Variants in COL14A1 observed in about 807,000 individuals in gnomAD.
COL14A1 encodes the protein collagen alpha-1(XIV) chain.
COL14A1 carries 136 observed loss-of-function variants against 230.3 expected under a neutral mutation model. The observed-to-expected ratio is 0.59, with a 90% CI of 0.51 to 0.68. The LOEUF (loss-of-function observed/expected upper bound fraction) is 0.68, where lower values mean the gene tolerates loss of function less well. Ranked by LOEUF, COL14A1 falls within the 30% of genes least tolerant of loss-of-function variation. The pLI is 0.00. For missense variants in COL14A1, 1,976 were observed against 2,215.8 expected (o/e 0.89, Z 2.17); for synonymous variants, 792 against 784.1 (o/e 1.01, Z -0.17).
intron 44 of COL14A1, 55 bp from the exon 45 acceptor site, chr8:120,345,320 T>C (rs1259966365): frequency 4.0e-6 from 6 of 1,487,692 alleles, no homozygotes; most frequent in Non-Finnish European, 4.5e-6. Flanking sequence ...CCCCTGGTCC[T>C]CTCTTTCCTT....
chr8:120,215,618 G>A (rs1230119303), intron 13 of COL14A1, among the ~76,000 whole-genome samples: 1 of 152,134 alleles, frequency 6.6e-6, no homozygotes, highest in Non-Finnish European at 1.5e-5. Context: ...GAAGTTGGGA[G>A]ATTGGCTGGG....
At chr8:120,295,432 C>A (rs1391394680) in intron 34 of COL14A1, among the ~76,000 whole-genome samples, 1 of 151,782 alleles carries the variant, frequency 6.6e-6, no homozygotes, top group Non-Finnish European at 1.5e-5. Flanking sequence ...GATCATACCC[C>A]ATAGCGGCAA....
chr8:120,294,360 G>T (rs1820459709), intron 34 of COL14A1, among the ~76,000 whole-genome samples: 3 of 151,090 alleles, frequency 2.0e-5, no homozygotes, highest in Non-Finnish European at 4.4e-5. Context: ...ATGAGCATTT[G>T]TAGTTGCTCA....
chr8:120,197,313 A>G (rs1462903831), intron 6 of COL14A1, among the ~76,000 whole-genome samples: 1 of 152,208 alleles, frequency 6.6e-6, no homozygotes, highest in Non-Finnish European at 1.5e-5. Context: ...ATAGTACAAG[A>G]TAACCTTTGC....
intron 9 of COL14A1, among the ~76,000 whole-genome samples, chr8:120,206,377 G>A (rs1817432818): frequency 6.6e-6 from 1 of 152,188 alleles, no homozygotes; most frequent in Non-Finnish European, 1.5e-5. Context: ...TGGAGGCAGA[G>A]TGTTGCTCTA....
At chr8:120,204,689 G>A (rs1271178235) in intron 9 of COL14A1, among the ~76,000 whole-genome samples, 1 of 152,204 alleles carries the variant, frequency 6.6e-6, no homozygotes, top group Non-Finnish European at 1.5e-5. Flanking sequence ...ACAATGCCCA[G>A]TAGTACAATG....
chr8:120,228,096 T>C (rs1017413841), intron 17 of COL14A1, among the ~76,000 whole-genome samples: 1 of 152,104 alleles, frequency 6.6e-6, no homozygotes, highest in Admixed American at 6.6e-5. Flanking sequence ...CTTCATACCC[T>C]TGCATCCCCA....
intron 45 of COL14A1, among the ~76,000 whole-genome samples, chr8:120,362,361 A>G (rs903343693): frequency 6.6e-6 from 1 of 152,222 alleles, no homozygotes; most frequent in African/African-American, 2.4e-5. Context: ...GATAATTTAT[A>G]GGCAGTGCTG....
intron 8 of COL14A1, among the ~76,000 whole-genome samples, 173 bp from the exon 9 acceptor site, chr8:120,203,536 C>T (rs572970179): frequency 3.9e-5 from 6 of 151,992 alleles, no homozygotes; most frequent in East Asian, 3.9e-4. Flanking sequence ...TTCATTTCAT[C>T]GGTTTATTTC....
intron 43 of COL14A1, 25 bp downstream of exon 43, chr8:120,341,385 C>T: frequency 6.2e-7 from 1 of 1,613,488 alleles, no homozygotes; most frequent in Non-Finnish European, 8.5e-7. Context: ...GCTCTGCTTT[C>T]TGGCCCCAGC....
At chr8:120,216,768 G>C (rs546686655) in intron 14 of COL14A1, among the ~76,000 whole-genome samples, 1 of 152,254 alleles carries the variant, frequency 6.6e-6, no homozygotes, top group South Asian at 2.1e-4. Context: ...GGGGAGCCTG[G>C]AACAGCTGGG....
chr8:120,335,470 G>A (rs1475294011), intron 42 of COL14A1, among the ~76,000 whole-genome samples: 3 of 152,118 alleles, frequency 2.0e-5, no homozygotes, highest in African/African-American at 7.2e-5. Flanking sequence ...GTTGCTCTCT[G>A]AACTGTCCAG....
rs1818231254 is a variant in COL14A1 at position 120,230,446 on chromosome 8, G to A, written c.2198-1021G>A. ...TCATTCTTCATTTAATCCTTATCAA[G>A]CCTTCTTTGTGCTTTAAAGTCTTTT... On this transcript the variant is annotated intron_variant, in intron 18 of 47. Transcript: ENST00000297848. Among the ~76,000 whole-genome samples, 4 of 151,876 alleles carry A rather than the reference G, an allele frequency of 2.6e-5. No individual in the cohort carries two copies. In the South Asian group the frequency reaches 8.3e-4, roughly 32 times the overall value.
chr8:120,155,342 A>G (rs1280905978), intron 2 of COL14A1, among the ~76,000 whole-genome samples: 1 of 152,172 alleles, frequency 6.6e-6, no homozygotes, highest in Non-Finnish European at 1.5e-5. Context: ...TCTTGGTTCT[A>G]GAACACCATC....
At chr8:120,310,206 C>T in intron 37 of COL14A1, 144 bp downstream of exon 37, 1 of 704,322 alleles carries the variant, frequency 1.4e-6, no homozygotes, top group East Asian at 2.7e-5. Context: ...CCTAACCCTT[C>T]TTCCTTATTT....
chr8:120,253,051 T>G (rs556009247), intron 22 of COL14A1, among the ~76,000 whole-genome samples: 1 of 152,220 alleles, frequency 6.6e-6, no homozygotes, highest in Non-Finnish European at 1.5e-5. Context: ...CTGTTGTGGC[T>G]TCACTAATGA....
In COL14A1 at chr8:120,242,899, C is replaced by T. The variant is rs115059100; in HGVS notation, c.2350-980C>T. 7.3e-3 allele frequency among the ~76,000 whole-genome samples: 1,110 copies of T among 152,250 alleles called. 10 individuals are homozygous for T. Among genetic ancestry groups the T allele is most frequent in the African/African-American group, 0.025 (1,018 of 41,550 alleles). On this transcript the variant is annotated intron_variant, in intron 19 of 47. Coordinates refer to ENST00000297848, the MANE Select transcript of COL14A1 (RefSeq NM_021110.4). ...TGATTTATAGGTTCCTTCCTTCATC[C>T]AGAAGGAGACAGCATCGCCCTTTGC...
intron 13 of COL14A1, among the ~76,000 whole-genome samples, chr8:120,215,759 G>T (rs1241201264): frequency 6.6e-6 from 1 of 152,122 alleles, no homozygotes; most frequent in African/African-American, 2.4e-5. Context: ...AGCAATCCAG[G>T]AGGCTCCAAG....
intron 47 of COL14A1, chr8:120,370,436 A>AACC (rs1430163752): frequency 6.3e-7 from 1 of 1,585,984 alleles, no homozygotes; most frequent in Admixed American, 1.8e-5. Context: ...CTGTCCTGTC[A>AACC]ACCACCACCA....
Sources: allele counts gnomAD v4.1 joint callset (sites outside exome capture counted in the v4.1 genomes callset), GRCh38; gene constraint gnomAD v4.1.1; transcripts MANE v1.5; gene names NCBI Gene and HGNC (gene_info 2026-07-23, HGNC 2026-07-21).